The following LYPLAL1 variants were observed in gnomAD, a reference collection of about 807,000 sequenced individuals.
LYPLAL1 encodes lysophospholipase like 1.
In LYPLAL1, 23 loss-of-function variants were observed where a neutral mutation model predicts 19.7. The observed-to-expected ratio is 1.17, with a 90% CI of 0.84 to 1.65. The LOEUF (loss-of-function observed/expected upper bound fraction) is 1.65, where lower values mean the gene tolerates loss of function less well. Ranked by LOEUF, LYPLAL1 falls within the 40% of genes most tolerant of loss-of-function variation. The pLI is 0.00. For missense variants in LYPLAL1, 355 were observed against 279.4 expected (o/e 1.27, Z -1.93); for synonymous variants, 119 against 96.3 (o/e 1.24, Z -1.38).
At chr1:219,400,026 C>T in the LYPLAL1 span, among the ~76,000 whole-genome samples, 4 of 152,132 alleles carry the variant, frequency 2.6e-5, no homozygotes, top group Non-Finnish European at 5.9e-5. Context: ...TGCAGGGATT[C>T]CAGAGGTCCA....
At chr1:219,326,855 A>G in the LYPLAL1 span, among the ~76,000 whole-genome samples, 2 of 152,202 alleles carry the variant, frequency 1.3e-5, no homozygotes, top group Non-Finnish European at 2.9e-5. Context: ...AGAAGAAAAT[A>G]GACAATCTGC....
the LYPLAL1 span, among the ~76,000 whole-genome samples, chr1:219,403,427 G>A: frequency 6.6e-6 from 1 of 152,196 alleles, no homozygotes; most frequent in Non-Finnish European, 1.5e-5. Flanking sequence ...AATTCTGAAC[G>A]CTGAGTATAA....
At chr1:219,440,804 T>C in the LYPLAL1 span, among the ~76,000 whole-genome samples, 1 of 152,202 alleles carries the variant, frequency 6.6e-6, no homozygotes, top group African/African-American at 2.4e-5. Context: ...TTAAAGAGTA[T>C]GATAGAATTA....
At chr1:219,207,252 C>CTAAA (rs1658649167) in intron 3 of LYPLAL1, among the ~76,000 whole-genome samples, 1 of 151,960 alleles carries the variant, frequency 6.6e-6, no homozygotes, top group Admixed American at 6.6e-5. Context: ...TGTTTTTACC[C>CTAAA]ATTTTACTTA....
the LYPLAL1 span, among the ~76,000 whole-genome samples, chr1:219,423,455 C>T: frequency 6.6e-6 from 1 of 152,150 alleles, no homozygotes. Flanking sequence ...GTAGATTGAA[C>T]ACAGGCAAAT....
chr1:219,233,206 T>C, the LYPLAL1 span, among the ~76,000 whole-genome samples: 1 of 152,174 alleles, frequency 6.6e-6, no homozygotes, highest in Non-Finnish European at 1.5e-5. Flanking sequence ...ACTTCTGACA[T>C]GCTACGACAT....
At chr1:219,362,607 G>A in the LYPLAL1 span, among the ~76,000 whole-genome samples, 1 of 152,164 alleles carries the variant, frequency 6.6e-6, no homozygotes, top group Admixed American at 6.5e-5. Flanking sequence ...ATGGGGTACG[G>A]AAGTGGCAAA....
chr1:219,237,695 T>C, the LYPLAL1 span, among the ~76,000 whole-genome samples: 1 of 152,368 alleles, frequency 6.6e-6, no homozygotes, highest in East Asian at 1.9e-4. Flanking sequence ...AGACTTCTCT[T>C]CCTCCAGGAA....
chr1:219,283,371 C>T, the LYPLAL1 span, among the ~76,000 whole-genome samples: 2 of 152,156 alleles, frequency 1.3e-5, no homozygotes, highest in South Asian at 2.1e-4. Context: ...CTAGAATTAT[C>T]GATGAAGAAA....
chr1:219,360,752 C>T, the LYPLAL1 span, among the ~76,000 whole-genome samples: 2 of 152,114 alleles, frequency 1.3e-5, no homozygotes, highest in East Asian at 3.9e-4. Context: ...CCCTGGACCT[C>T]TTCCCATGAA....
At chr1:219,334,523 AGG>A in the LYPLAL1 span, among the ~76,000 whole-genome samples, 4 of 81,358 alleles carry the variant, frequency 4.9e-5, no homozygotes, top group Admixed American at 5.0e-4. Flanking sequence ...CATAATGAAG[AGG>A]GGTGTGTGTG....
chr1:219,233,041 C>G, the LYPLAL1 span, among the ~76,000 whole-genome samples: 6 of 152,206 alleles, frequency 3.9e-5, no homozygotes, highest in Non-Finnish European at 8.8e-5. Flanking sequence ...TCTTGGTATT[C>G]AAAAACGTTA....
Position 219,187,902 on chromosome 1 carries a change from G to C in LYPLAL1, c.192-5180G>C, listed in dbSNP as rs1656854225. ...TAATGTACTTCTTTGGTAAGTATTA[G>C]GTATGTTTAAATAGGTACTAGTATG... On this transcript the variant is annotated intron_variant, in intron 2 of 4. Transcript: ENST00000366928. Among the ~76,000 whole-genome samples the C allele has an allele frequency of 2.6e-5, 4 of 151,652 alleles. No individual in the cohort carries two copies. In the South Asian group the frequency reaches 8.3e-4, roughly 32 times the overall value.
intron 3 of LYPLAL1, among the ~76,000 whole-genome samples, chr1:219,201,108 G>A (rs563003079): frequency 3.4e-4 from 51 of 152,186 alleles, no homozygotes; most frequent in Admixed American, 1.5e-3. Flanking sequence ...TGATTAATAT[G>A]GTCTTGAAAA....
the LYPLAL1 span, among the ~76,000 whole-genome samples, chr1:219,268,962 A>G: frequency 6.6e-5 from 10 of 152,282 alleles, no homozygotes; most frequent in African/African-American, 1.2e-4. Context: ...TTTATTCTCA[A>G]TCTGCTTAAC....
the LYPLAL1 span, chr1:219,272,745 A>G: frequency 6.6e-6 from 1 of 151,630 alleles, no homozygotes; most frequent in Non-Finnish European, 1.5e-5. Context: ...CATTCATTTC[A>G]CTCCAGCCTG....
At chr1:219,419,582 C>CAGAGAG in the LYPLAL1 span, among the ~76,000 whole-genome samples, 84 of 125,606 alleles carry the variant, frequency 6.7e-4, 1 homozygote, top group African/African-American at 2.6e-3. Context: ...CACACACACA[C>CAGAGAG]ACACACACAC....
chr1:219,247,908 G>A, the LYPLAL1 span, among the ~76,000 whole-genome samples: 3 of 150,550 alleles, frequency 2.0e-5, no homozygotes, highest in Admixed American at 6.6e-5. Flanking sequence ...GGGTAGAGAG[G>A]GTTAAAAAAA....
At chr1:219,302,853 C>G in the LYPLAL1 span, among the ~76,000 whole-genome samples, 1 of 152,132 alleles carries the variant, frequency 6.6e-6, no homozygotes, top group African/African-American at 2.4e-5. Context: ...AGGAATTCCT[C>G]TGCTTCCTCT....
Sources: gnomAD v4.1 joint callset for allele counts (sites outside exome capture counted in the v4.1 genomes callset) on GRCh38, gnomAD v4.1.1 for gene constraint, MANE v1.5 for transcripts, NCBI Gene and HGNC (gene_info 2026-07-23, HGNC 2026-07-21) for gene names.